The following PCSK6 variants were observed in gnomAD, a reference collection of about 807,000 sequenced individuals.
PCSK6 encodes the protein proprotein convertase subtilisin/kexin type 6.
PCSK6 carries 85 observed loss-of-function variants against 123.3 expected under a neutral mutation model. The observed-to-expected ratio is 0.69, with a 90% CI of 0.58 to 0.83. The LOEUF is 0.83. Among genes scored for constraint, PCSK6 ranks in the 40% least tolerant of loss-of-function variants. PCSK6 has a pLI of 0.00. For missense variants in PCSK6, 1,191 were observed against 1,282.3 expected, an observed-to-expected ratio of 0.93 and a Z score of 1.09; for synonymous variants, 508 against 516.0, an observed-to-expected ratio of 0.98 and a Z score of 0.21.
At chr15:101,347,262 T>G (rs890752794) in intron 13 of PCSK6, 11 of 1,232,318 alleles carry the variant, frequency 8.9e-6, no homozygotes, top group African/African-American at 1.6e-5. Context: ...ATCTCAACTC[T>G]TATCTTAGAA....
At chr15:101,464,558 G>T (rs1596363333) in intron 1 of PCSK6, among the ~76,000 whole-genome samples, 1 of 152,198 alleles carries the variant, frequency 6.6e-6, no homozygotes, top group African/African-American at 2.4e-5. Flanking sequence ...AAGCCAGATT[G>T]TTGGGCCCTC....
chr15:101,480,608 G>C (rs1180134271), intron 1 of PCSK6, among the ~76,000 whole-genome samples: 1 of 152,212 alleles, frequency 6.6e-6, no homozygotes, highest in African/African-American at 2.4e-5. Flanking sequence ...ATGCTCAAAG[G>C]GCAGAGGCAC....
Position 101,431,441 on chromosome 15 carries a change from C to T in PCSK6, c.536G>A (p.Arg179His), listed in dbSNP as rs370069260. 40 of 1,613,622 alleles carry T rather than the reference C, an allele frequency of 2.5e-5. No homozygotes were observed. In the East Asian group the frequency reaches 2.7e-4, roughly 11 times the overall value. ...WYLHCGDKNS[R>H]CRSEMNVQAA... is the part of the protein sequence containing the mutation. ...CTGGACATTCATTTCCGACCGGCAG[C>T]GACTGTTCTTGTCGCCACAATGCTG... The change falls in exon 4 of 22, where the codon CGC (arginine) becomes CAC (histidine). Residue 179 changes from arginine to histidine, a missense_variant. Transcript: ENST00000611716.
intron 1 of PCSK6, among the ~76,000 whole-genome samples, chr15:101,478,138 C>T (rs1394702231): frequency 1.3e-5 from 2 of 152,130 alleles, no homozygotes; most frequent in African/African-American, 4.8e-5. Context: ...ATGAGGAAGG[C>T]CTGGAATGCA....
Position 101,379,871 on chromosome 15 carries a change from C to T in PCSK6, c.1532+2221G>A, listed in dbSNP as rs2041864003. Among the ~76,000 whole-genome samples the T allele has an allele frequency of 2.0e-5, 3 of 152,216 alleles. 1 individual carries two copies. In the South Asian group the frequency reaches 6.2e-4, roughly 31 times the overall value. On this transcript the variant is annotated intron_variant, in intron 11 of 21. Coordinates refer to ENST00000611716, the MANE Select transcript of PCSK6 (RefSeq NM_002570.5). ...GGCTCAGTGGCAGAGCTGGCTGGAG[C>T]TCCCTGCCAGGAGGGGAGACCCACA...
intron 17 of PCSK6, 69 bp downstream of exon 17, chr15:101,324,779 GGA>G: frequency 6.1e-6 from 8 of 1,300,918 alleles, no homozygotes; most frequent in Non-Finnish European, 8.7e-6. Flanking sequence ...AATTCTCCCT[GGA>G]GAGAGGACAC....
chr15:101,480,446 C>T (rs949902082), intron 1 of PCSK6, among the ~76,000 whole-genome samples: 1 of 152,252 alleles, frequency 6.6e-6, no homozygotes, highest in African/African-American at 2.4e-5. Flanking sequence ...CCTGTCTTGA[C>T]ACTGAGGGCA....
At chr15:101,388,934 C>T (rs1172192080) in intron 9 of PCSK6, among the ~76,000 whole-genome samples, 1 of 152,118 alleles carries the variant, frequency 6.6e-6, no homozygotes, top group Non-Finnish European at 1.5e-5. Flanking sequence ...GAACTATGTC[C>T]CCTCCAAAAT....
At chr15:101,332,079 T>C (rs757808382) in intron 13 of PCSK6, 48 bp from the exon 14 acceptor site, 2 of 1,513,592 alleles carry the variant, frequency 1.3e-6, no homozygotes, top group East Asian at 2.3e-5. Context: ...CCAAGACCTC[T>C]GTCACTCACA....
At chr15:101,306,051 T>C (rs552209359) in intron 21 of PCSK6, among the ~76,000 whole-genome samples, 1 of 148,992 alleles carries the variant, frequency 6.7e-6, no homozygotes, top group East Asian at 2.0e-4. Context: ...GGAGGAAGAC[T>C]GTAGGGGAGG....
intron 11 of PCSK6, among the ~76,000 whole-genome samples, chr15:101,374,698 C>T (rs541281978): frequency 6.6e-5 from 10 of 152,318 alleles, no homozygotes; most frequent in Admixed American, 1.3e-4. Context: ...CACAGACCCG[C>T]TAACGGGAGT....
At chr15:101,469,636 C>A (rs1386038155) in intron 1 of PCSK6, among the ~76,000 whole-genome samples, 2 of 152,172 alleles carry the variant, frequency 1.3e-5, no homozygotes, top group Non-Finnish European at 2.9e-5. Context: ...GGTGTCCACA[C>A]GCTGCTGAAT....
intron 1 of PCSK6, among the ~76,000 whole-genome samples, chr15:101,466,076 G>T (rs138740525): frequency 2.0e-5 from 3 of 152,000 alleles, no homozygotes. Context: ...AACAATGTCC[G>T]TGCTCCAAAG....
rs529795192 is a variant in PCSK6, at chr15:101,474,413, G to A, written c.297+14961C>T. Among the ~76,000 whole-genome samples the A allele has an allele frequency of 1.8e-3, 276 of 152,290 alleles. 1 individual carries two copies. The highest frequency in any genetic ancestry group is 6.4e-3 in the African/African-American group (266 of 41,562). On this transcript the variant is annotated intron_variant, in intron 1 of 21. Coordinates refer to ENST00000611716, the MANE Select transcript of PCSK6 (RefSeq NM_002570.5). ...CGTGGAAAGCTAAAACTGGCGCCAC[G>A]GCGGTGATCACTGGGGTGCGCAGCC...
chr15:101,480,419 T>C (rs541918052), intron 1 of PCSK6, among the ~76,000 whole-genome samples: 17 of 152,254 alleles, frequency 1.1e-4, no homozygotes, highest in African/African-American at 3.9e-4. Context: ...TGAGACTTTC[T>C]TCCTTTCCAC....
intron 6 of PCSK6, among the ~76,000 whole-genome samples, chr15:101,402,937 C>T (rs1046987711): frequency 2.1e-4 from 32 of 152,202 alleles, no homozygotes; most frequent in Non-Finnish European, 4.0e-4. Context: ...ACCCAAAGGA[C>T]TATAAATCAT....
chr15:101,403,575 T>C lies in PCSK6; in HGVS notation c.824-4999A>G, dbSNP rs112295223. Among the ~76,000 whole-genome samples, 1,248 of 152,168 alleles carry C rather than the reference T, an allele frequency of 8.2e-3. 12 individuals are homozygous for C. The highest frequency in any genetic ancestry group is 0.023 in the African/African-American group (965 of 41,512). On this transcript the variant is annotated intron_variant, in intron 6 of 21. Transcript: ENST00000611716. ...TTATAAAGCCTAATAAAAAAACGGA[T>C]ACCCATGAACCCTGCAGCCCAATGC...
At chr15:101,439,645 C>T (rs1357564496) in intron 2 of PCSK6, among the ~76,000 whole-genome samples, 3 of 152,218 alleles carry the variant, frequency 2.0e-5, no homozygotes, top group Non-Finnish European at 1.5e-5. Flanking sequence ...CTTTGAATTG[C>T]TCTAGCACAC....
intron 11 of PCSK6, among the ~76,000 whole-genome samples, chr15:101,377,281 G>C (rs915507551): frequency 2.6e-5 from 4 of 152,194 alleles, no homozygotes; most frequent in Admixed American, 2.0e-4. Context: ...TGGAGGTGGT[G>C]CGCCCAGCTA....
Sources: allele counts gnomAD v4.1 joint callset (sites outside exome capture counted in the v4.1 genomes callset), GRCh38; gene constraint gnomAD v4.1.1; transcripts MANE v1.5; gene names NCBI Gene and HGNC (gene_info 2026-07-23, HGNC 2026-07-21).